The following ZCCHC14 variants were observed in gnomAD, a reference collection of about 807,000 sequenced individuals.
The protein encoded by ZCCHC14 is zinc finger CCHC-type containing 14, also known as zinc finger CCHC domain-containing protein 14.
In ZCCHC14, 16 loss-of-function variants were observed where a neutral mutation model predicts 85.0. The ratio of observed to expected loss-of-function variants is 0.19; its 90% CI spans 0.13 to 0.29. The LOEUF is 0.29. ZCCHC14 is among the 10% of genes least tolerant of loss of function. The probability of loss-of-function intolerance (pLI) is 1.00; values close to 1 mark genes in which losing one functional copy is unlikely to be tolerated. For synonymous variants in ZCCHC14, 775 were observed against 630.7 expected (o/e 1.23, Z -3.43); for missense variants, 1,303 against 1,443.5 (o/e 0.90, Z 1.58).
chr16:87,459,034 C>T (rs958925038), intron 2 of ZCCHC14, among the ~76,000 whole-genome samples: 1 of 152,218 alleles, frequency 6.6e-6, no homozygotes, highest in African/African-American at 2.4e-5. Context: ...ACTACTATGG[C>T]ATGGTTACCA....
In ZCCHC14 at chr16:87,412,570, C is replaced by G; in HGVS notation, c.2151G>C (p.Glu717Asp). The change falls in exon 12 of 13, where the codon GAG (glutamate) becomes GAC (aspartate). Residue 717 changes from glutamate to aspartate, a missense_variant. Physicochemically the swap from Glu to Asp is conservative, Grantham distance 45. Coordinates refer to ENST00000671377, the MANE Select transcript of ZCCHC14 (RefSeq NM_015144.3). ...QPVQVLSGLS[E>D]SSSMSPTVSF... Reference sequence around the variant, plus strand: ...AGACTGTGGGTGACATGGAGCTGCTCTCCGAAAGCCCAGAGAGGACCTGCA... The same window carrying G: ...AGACTGTGGGTGACATGGAGCTGCTGTCCGAAAGCCCAGAGAGGACCTGCA... The G allele has an allele frequency of 6.2e-7, 1 of 1,614,144 alleles. No individual in the cohort carries two copies. The highest frequency in any genetic ancestry group is 8.5e-7 in the Non-Finnish European group (1 of 1,180,036).
Position 87,409,898 on chromosome 16 carries a change from T to C in ZCCHC14, c.*382A>G, listed in dbSNP as rs1048112712. On this transcript the variant is annotated 3_prime_UTR_variant, in exon 13 of 13. Transcript: ENST00000671377. ...AGGAGTCCGGCGGGTGGAACTCCAC[T>C]TGGAGAACTCCAAGCTCGGTTCTCG... 2 of 169,452 alleles carry C rather than the reference T, an allele frequency of 1.2e-5. No homozygotes were observed. The highest frequency in any genetic ancestry group is 2.5e-5 in the Non-Finnish European group (2 of 79,424). 10.5% of individuals were successfully genotyped at this position (169,452 alleles called of 1,614,324 possible).
In ZCCHC14 at chr16:87,471,316, A is replaced by C. The variant is rs1168983707; in HGVS notation, c.571-11185T>G. 3 of 152,258 alleles carry C rather than the reference A, an allele frequency of 2.0e-5. No homozygotes were observed. In the East Asian group the frequency reaches 5.8e-4, roughly 29 times the overall value. 9.4% of individuals were successfully genotyped at this position (152,258 alleles called of 1,614,324 possible). A position where few individuals can be genotyped will look rare whatever the true frequency, so the allele number is the denominator to read the frequency against. The stretch of plus-strand genomic sequence containing the variant: ...ACCAGAACAAGAAGACAGACAGTTT[A>C]AGAGTGAAAGCTATTTGCTGACTTA... On this transcript the variant is annotated intron_variant, in intron 1 of 12. Coordinates refer to ENST00000671377, the MANE Select transcript of ZCCHC14 (RefSeq NM_015144.3).
rs568625452 is a variant in ZCCHC14 at position 87,435,351 on chromosome 16, A to T, written c.695-2150T>A. On this transcript the variant is annotated intron_variant, in intron 2 of 12. Coordinates refer to ENST00000671377, the MANE Select transcript of ZCCHC14 (RefSeq NM_015144.3). ...CAGCCATGGGAGGCTAGTGGCTGCCACGCTGGGCGGTGTGCTCCCAGACAG... is the reference window on the plus strand; with the variant it reads ...CAGCCATGGGAGGCTAGTGGCTGCCTCGCTGGGCGGTGTGCTCCCAGACAG... Among the ~76,000 whole-genome samples the T allele has an allele frequency of 3.4e-4, 52 of 152,362 alleles. 1 individual carries two copies. Among genetic ancestry groups the T allele is most frequent in the South Asian group, 8.3e-4 (4 of 4,834 alleles).
intron 2 of ZCCHC14, among the ~76,000 whole-genome samples, chr16:87,459,490 G>A (rs544261549): frequency 9.3e-5 from 14 of 150,932 alleles, no homozygotes; most frequent in South Asian, 6.4e-4. Context: ...GATTACAAGC[G>A]TGCACCACCA....
chr16:87,466,498 G>A (rs1364726151), intron 1 of ZCCHC14, among the ~76,000 whole-genome samples: 2 of 152,206 alleles, frequency 1.3e-5, no homozygotes, highest in South Asian at 4.1e-4. Context: ...GCAGTTCGAT[G>A]ACACCTACTG....
chr16:87,426,238 G>A (rs1283980495), intron 3 of ZCCHC14, among the ~76,000 whole-genome samples: 5 of 152,182 alleles, frequency 3.3e-5, no homozygotes, highest in East Asian at 1.9e-4. Flanking sequence ...GGAACCGGCC[G>A]TTAGAGGGGC....
At chr16:87,464,830 C>T (rs182350415) in intron 1 of ZCCHC14, among the ~76,000 whole-genome samples, 255 of 152,306 alleles carry the variant, frequency 1.7e-3, no homozygotes, top group East Asian at 6.9e-3. Context: ...GTTTGCTCCA[C>T]GTGACCTATG....
At position 87,417,510 on chromosome 16, in the gene ZCCHC14, G is replaced by A. The variant is rs748367442; in HGVS notation, c.1333C>T (p.Leu445=). 1.2e-6 allele frequency: 2 copies of A among 1,614,138 alleles called. No homozygotes were observed. Among genetic ancestry groups the A allele is most frequent in the Non-Finnish European group, 1.7e-6 (2 of 1,180,054 alleles). Residue 445 remains leucine, a synonymous_variant, in exon 8 of 13, where the codon CTG becomes TTG. Transcript: ENST00000671377. ...QNGILDWLRK[L]RLHKYYPVFK... Reference sequence around the variant, plus strand: ...ACGGGGTAATACTTGTGCAAACGCAGTTTCCTAAGCCAGTCTAGAATCCCA... The same window carrying A: ...ACGGGGTAATACTTGTGCAAACGCAATTTCCTAAGCCAGTCTAGAATCCCA...
chr16:87,439,178 C>T (rs946270897), intron 2 of ZCCHC14, among the ~76,000 whole-genome samples: 2 of 149,972 alleles, frequency 1.3e-5, no homozygotes, highest in African/African-American at 2.5e-5. Flanking sequence ...CTTGCTCTGT[C>T]GCCAGGCTGG....
In ZCCHC14 at chr16:87,434,049, A is replaced by G. The variant is rs563351777; in HGVS notation, c.695-848T>C. 6.6e-5 allele frequency among the ~76,000 whole-genome samples: 10 copies of G among 152,342 alleles called. No homozygotes were observed. In the East Asian group the frequency reaches 1.9e-3, roughly 29 times the overall value. ...CAGGAAGATAGCACCGTCTGGGAGCAGAGCCGGGCTGCAGTGAATGAAGCT... is the reference window on the plus strand; with the variant it reads ...CAGGAAGATAGCACCGTCTGGGAGCGGAGCCGGGCTGCAGTGAATGAAGCT... On this transcript the variant is annotated intron_variant, in intron 2 of 12. Transcript: ENST00000671377.
chr16:87,478,996 G>A (rs1912147768), intron 1 of ZCCHC14, among the ~76,000 whole-genome samples: 1 of 152,156 alleles, frequency 6.6e-6, no homozygotes, highest in Admixed American at 6.5e-5. Flanking sequence ...AGGGGTGAGG[G>A]TTGTTCCTCT....
chr16:87,425,624 G>C (rs2039272252), intron 3 of ZCCHC14, among the ~76,000 whole-genome samples: 1 of 151,778 alleles, frequency 6.6e-6, no homozygotes, highest in Non-Finnish European at 1.5e-5. Flanking sequence ...GAAAATGTTT[G>C]AGCTCCTTCT....
At chr16:87,427,820 C>T (rs113525702) in intron 3 of ZCCHC14, among the ~76,000 whole-genome samples, 8 of 19,804 alleles carry the variant, frequency 4.0e-4, no homozygotes, top group Non-Finnish European at 1.1e-3. Flanking sequence ...GTACTTTTTG[C>T]ACTTTTTGCA....
At chr16:87,434,856 T>C (rs1445252940) in intron 2 of ZCCHC14, among the ~76,000 whole-genome samples, 2 of 151,974 alleles carry the variant, frequency 1.3e-5, no homozygotes, top group Non-Finnish European at 2.9e-5. Context: ...CTGGGTGTAG[T>C]GGCGGACACC....
intron 2 of ZCCHC14, among the ~76,000 whole-genome samples, chr16:87,448,501 C>T (rs1910544212): frequency 6.6e-6 from 1 of 152,092 alleles, no homozygotes; most frequent in African/African-American, 2.4e-5. Flanking sequence ...GAACATGCTC[C>T]TTCCTTTCAT....
intron 2 of ZCCHC14, among the ~76,000 whole-genome samples, chr16:87,459,683 A>AT (rs1911159675): frequency 6.6e-6 from 1 of 151,836 alleles, no homozygotes; most frequent in Non-Finnish European, 1.5e-5. Flanking sequence ...CTAATTTTGT[A>AT]TTTTTAGTAG....
At chr16:87,425,309 G>C (rs1909312540) in intron 3 of ZCCHC14, among the ~76,000 whole-genome samples, 1 of 152,212 alleles carries the variant, frequency 6.6e-6, no homozygotes, top group Admixed American at 6.5e-5. Flanking sequence ...GGGCGCAGTG[G>C]CTCACACCTG....
intron 3 of ZCCHC14, among the ~76,000 whole-genome samples, chr16:87,432,849 G>A (rs1909729753): frequency 3.3e-5 from 5 of 152,172 alleles, no homozygotes; most frequent in Admixed American, 3.3e-4. Context: ...GCCTCATCCA[G>A]TTCTGCTATT....
Sources: gnomAD v4.1 joint callset for allele counts (sites outside exome capture counted in the v4.1 genomes callset) on GRCh38, gnomAD v4.1.1 for gene constraint, MANE v1.5 for transcripts, NCBI Gene and HGNC (gene_info 2026-07-23, HGNC 2026-07-21) for gene names.